GRIP2: variants seen among roughly 807,000 people sequenced by gnomAD.
GRIP2 encodes the protein glutamate receptor-interacting protein 2.
A neutral mutation model predicts 108.3 loss-of-function variants in GRIP2; 58 were observed. The ratio of observed to expected loss-of-function variants is 0.54; its 90% confidence interval spans 0.43 to 0.67. GRIP2 has a LOEUF of 0.67. GRIP2 is among the 30% of genes least tolerant of loss of function. The pLI, the probability that GRIP2 is intolerant of heterozygous loss-of-function variation, is 0.00. For missense variants in GRIP2, 1,278 were observed against 1,430.6 expected (o/e 0.89, Z 1.72); for synonymous variants, 586 against 598.2 (o/e 0.98, Z 0.30).
chr3:14,582,435 A>C, the GRIP2 span, among the ~76,000 whole-genome samples: 1 of 152,232 alleles, frequency 6.6e-6, no homozygotes, highest in African/African-American at 2.4e-5. Context: ...ATGGATCTAA[A>C]GGGGGTCTTT....
At position 14,517,226 on chromosome 3, in the gene GRIP2, G is replaced by C; in HGVS notation, c.1157-13C>G. On this transcript the variant is annotated splice_polypyrimidine_tract_variant and intron_variant, in intron 10 of 23. Coordinates refer to ENST00000621039, the MANE Select transcript of GRIP2 (RefSeq NM_001080423.4). ...GTTGAAGACAAGGCTGGGGAGATGA[G>C]AGCACAGCCCCGTGAACCCCAGCCG... The C allele has an allele frequency of 6.5e-7, 1 of 1,547,938 alleles. No homozygotes were observed. Among genetic ancestry groups the C allele is most frequent in the African/African-American group, 1.4e-5 (1 of 72,538 alleles).
At chr3:14,544,957 G>A (rs1011736904), upstream of GRIP2, among the ~76,000 whole-genome samples, 3 of 152,142 alleles carry the variant, frequency 2.0e-5, no homozygotes, top group African/African-American at 7.2e-5. Context: ...TTGACTTCAG[G>A]GAAGGCTGGG....
At position 14,505,003 on chromosome 3, in the gene GRIP2, C is replaced by T. The variant is rs1693878948; in HGVS notation, c.2573+612G>A. 1.3e-5 allele frequency among the ~76,000 whole-genome samples: 2 copies of T among 152,044 alleles called. 1 individual carries two copies. Among genetic ancestry groups the T allele is most frequent in the South Asian group, 4.1e-4 (2 of 4,830 alleles). On this transcript the variant is annotated intron_variant, in intron 20 of 23. Coordinates refer to ENST00000621039, the MANE Select transcript of GRIP2 (RefSeq NM_001080423.4). The surrounding 1 kb of genome is among the most constrained non-coding windows in gnomAD (Gnocchi z 4.2). ...GGGTACCAGGAGGGAGGGAGGAATC[C>T]CTTCTGCCTGAGAAAGACAGGGAAG...
chr3:14,511,424 G>T lies in GRIP2; in HGVS notation c.1776C>A (p.Ser592Arg). ...CCCAGTGCCCCTACCTGTGTGCCAC[G>T]CTGCCTTTCTTGATGTCGGAGATGA... Reference protein sequence around the residue: ...PLIISDIKKGSVAHRTGTLEP... With the variant: ...PLIISDIKKGRVAHRTGTLEP... Residue 592 changes from serine (S) to arginine (R), a missense_variant, in exon 15 of 24, where the codon AGC (serine) becomes AGA (arginine). By Grantham distance (110) the Ser-to-Arg change is moderately radical. Coordinates refer to ENST00000621039, the MANE Select transcript of GRIP2 (RefSeq NM_001080423.4). This position sits in a 1 kb window ranked among gnomAD's most constrained non-coding sequence, Gnocchi z 4.1. The T allele has an allele frequency of 6.2e-7, 1 of 1,613,936 alleles. No homozygotes were observed. Among genetic ancestry groups the T allele is most frequent in the Non-Finnish European group, 8.5e-7 (1 of 1,179,876 alleles).
Position 14,521,532 on chromosome 3 carries a change from G to T in GRIP2, c.712+110C>A. The T allele has an allele frequency of 8.2e-7, 1 of 1,217,190 alleles. No individual in the cohort carries two copies. Among genetic ancestry groups the T allele is most frequent in the Non-Finnish European group, 1.1e-6 (1 of 885,078 alleles). The allele number at this position is 1,217,190 out of a possible 1,614,324, so 75.4% of individuals were successfully genotyped here. A position where few individuals can be genotyped will look rare whatever the true frequency, so the allele number is the denominator to read the frequency against. ...CCAGAGAAGCTGTGACTGGCCCAAG[G>T]TCATAAGGTCATGCAGCCTTTGCAG... On this transcript the variant is annotated intron_variant, in intron 7 of 23. Transcript: ENST00000621039. This position sits in a 1 kb window ranked among gnomAD's most constrained non-coding sequence, Gnocchi z 5.1.
chr3:14,592,995 T>C, the GRIP2 span, among the ~76,000 whole-genome samples: 1 of 152,082 alleles, frequency 6.6e-6, no homozygotes, highest in Admixed American at 6.5e-5. Flanking sequence ...CTAACTTGAG[T>C]ATTTTCTGCT....
the GRIP2 span, among the ~76,000 whole-genome samples, chr3:14,602,857 C>T: frequency 6.6e-5 from 10 of 151,496 alleles, no homozygotes; most frequent in South Asian, 1.2e-3. The surrounding 1 kb of genome is among the most constrained non-coding windows in gnomAD (Gnocchi z 4.7). Context: ...CGGGCCAGCT[C>T]AGCTCTGGGT....
At chr3:14,555,363 G>A (rs927144950) in intron 1 of GRIP2, among the ~76,000 whole-genome samples, 1 of 148,346 alleles carries the variant, frequency 6.7e-6, no homozygotes, top group African/African-American at 2.5e-5. Context: ...AAGGCTGCTG[G>A]GGACATGGCC....
intron 3 of GRIP2, among the ~76,000 whole-genome samples, chr3:14,524,879 T>C (rs1185070254): frequency 1.3e-5 from 2 of 152,214 alleles, no homozygotes; most frequent in East Asian, 3.8e-4. Context: ...TTCCTGCTGT[T>C]CAACTGGACA....
chr3:14,595,350 C>T, the GRIP2 span, among the ~76,000 whole-genome samples: 2 of 152,062 alleles, frequency 1.3e-5, no homozygotes, highest in Admixed American at 1.3e-4. Flanking sequence ...TTGTTTTTTA[C>T]CTCACACACT....
chr3:14,574,228 C>A, the GRIP2 span: 2 of 870,464 alleles, frequency 2.3e-6, no homozygotes, highest in Admixed American at 1.8e-5. Context: ...TCCATGTCCT[C>A]GATCTGTCGC....
At chr3:14,582,711 G>A in the GRIP2 span, among the ~76,000 whole-genome samples, 1 of 152,166 alleles carries the variant, frequency 6.6e-6, no homozygotes, top group African/African-American at 2.4e-5. Context: ...CATCATTCAG[G>A]AAGTCTTCTC....
At chr3:14,575,198 A>G in the GRIP2 span, among the ~76,000 whole-genome samples, 1 of 152,154 alleles carries the variant, frequency 6.6e-6, no homozygotes, top group Non-Finnish European at 1.5e-5. Context: ...TGTTAAACTC[A>G]CACATATATT....
At chr3:14,520,357 C>T (rs753984434) in intron 8 of GRIP2, 33 bp downstream of exon 8, 2 of 1,610,646 alleles carry the variant, frequency 1.2e-6, no homozygotes, top group Admixed American at 1.7e-5. Flanking sequence ...CTGCACACAC[C>T]TCCATGGTGG....
rs1694925720 is a variant in GRIP2 at position 14,540,063 on chromosome 3, G to A, written c.40+206C>T. On this transcript the variant is annotated intron_variant, in intron 1 of 23. Transcript: ENST00000621039. The surrounding 1 kb of genome is among the most constrained non-coding windows in gnomAD (Gnocchi z 4.1). ...GCCTGTGCTGGACAGCCCTGGGGGA[G>A]GCTCAGCCATCCTGCTACAGGACAG... 6.6e-6 allele frequency among the ~76,000 whole-genome samples: 1 copy of A among 152,124 alleles called. No individual in the cohort carries two copies. The highest frequency in any genetic ancestry group is 6.5e-5 in the Admixed American group (1 of 15,268).
chr3:14,494,323 C>A (rs941700215), intron 23 of GRIP2, among the ~76,000 whole-genome samples: 1 of 152,096 alleles, frequency 6.6e-6, no homozygotes, highest in Non-Finnish European at 1.5e-5. Context: ...ATAAATATGG[C>A]AAAAAACACA....
chr3:14,495,116 C>T lies in GRIP2; in HGVS notation c.2824-127G>A, dbSNP rs1368638631. On this transcript the variant is annotated intron_variant, in intron 22 of 23. Transcript: ENST00000621039. ...AGCCACACCCCCCAGGCTGCAGCACCCCAGCCTCTTGCCCCTGGGCCTTCA... is the reference window on the plus strand; with the variant it reads ...AGCCACACCCCCCAGGCTGCAGCACTCCAGCCTCTTGCCCCTGGGCCTTCA... 4 of 1,246,424 alleles carry T rather than the reference C, an allele frequency of 3.2e-6. No homozygotes were observed. In the East Asian group the frequency reaches 9.5e-5, roughly 30 times the overall value. The allele number at this position is 1,246,424 out of a possible 1,614,324, so 77.2% of individuals were successfully genotyped here. A position where few individuals can be genotyped will look rare whatever the true frequency, so the allele number is the denominator to read the frequency against.
At chr3:14,592,539 G>A in the GRIP2 span, among the ~76,000 whole-genome samples, 4 of 152,192 alleles carry the variant, frequency 2.6e-5, no homozygotes, top group Non-Finnish European at 5.9e-5. Context: ...GCCCAAGGTC[G>A]CCTACCAGGA....
At position 14,521,969 on chromosome 3, in the gene GRIP2, T is replaced by G. The variant is rs1029836896; in HGVS notation, c.567-182A>C. 4.7e-5 allele frequency: 24 copies of G among 508,092 alleles called. No homozygotes were observed. Among genetic ancestry groups the G allele is most frequent in the African/African-American group, 2.5e-4 (11 of 43,902 alleles). The allele number at this position is 508,092 out of a possible 1,614,324, so 31.5% of individuals were successfully genotyped here. ...GTGAAGGAATGAGCCACTCCAGGAG[T>G]GGGGAGCTGCATAAAGCAAGGGGGG... On this transcript the variant is annotated intron_variant, in intron 6 of 23. Coordinates refer to ENST00000621039, the MANE Select transcript of GRIP2 (RefSeq NM_001080423.4). This position sits in a 1 kb window ranked among gnomAD's most constrained non-coding sequence, Gnocchi z 5.1.
Sources: allele counts gnomAD v4.1 joint callset (sites outside exome capture counted in the v4.1 genomes callset), GRCh38; gene constraint gnomAD v4.1.1; non-coding constraint Gnocchi (gnomAD v3.1); transcripts MANE v1.5; gene names NCBI Gene and HGNC (gene_info 2026-07-23, HGNC 2026-07-21).